PTPRK: variants seen among roughly 807,000 people sequenced by gnomAD.
PTPRK encodes protein tyrosine phosphatase receptor type K.
In PTPRK, 75 loss-of-function variants were observed where a neutral mutation model predicts 178.0. The observed-to-expected ratio is 0.42, with a 90% CI of 0.35 to 0.51. The LOEUF (loss-of-function observed/expected upper bound fraction) is 0.51, where lower values mean the gene tolerates loss of function less well. PTPRK is among the 20% of genes least tolerant of loss of function. The pLI is 0.02. For synonymous variants in PTPRK, 637 were observed against 620.6 expected, an observed-to-expected ratio of 1.03 and a Z score of -0.39; for missense variants, 1,441 against 1,797.8, an observed-to-expected ratio of 0.80 and a Z score of 3.59.
intron 13 of PTPRK, among the ~76,000 whole-genome samples, chr6:128,013,031 C>T (rs1562435043): frequency 6.6e-6 from 1 of 151,326 alleles, no homozygotes; most frequent in African/African-American, 2.4e-5. Flanking sequence ...ACCACCATAA[C>T]CAATGTTTCT....
At chr6:128,438,984 CA>C (rs1447913266) in intron 1 of PTPRK, among the ~76,000 whole-genome samples, 2 of 152,034 alleles carry the variant, frequency 1.3e-5, no homozygotes, top group Non-Finnish European at 2.9e-5. Context: ...ATTAGAACTC[CA>C]AACTTAACGT....
chr6:128,471,869 T>G (rs969366444), intron 1 of PTPRK, among the ~76,000 whole-genome samples: 9 of 152,040 alleles, frequency 5.9e-5, no homozygotes, highest in Non-Finnish European at 1.2e-4. Context: ...ATTACTTTAA[T>G]TGAGCTAATG....
At chr6:128,299,044 G>A (rs1825046284) in intron 3 of PTPRK, among the ~76,000 whole-genome samples, 1 of 152,090 alleles carries the variant, frequency 6.6e-6, no homozygotes, top group Non-Finnish European at 1.5e-5. Context: ...AAATCAATGT[G>A]CAAAAATCAC....
chr6:128,474,243 T>C (rs755938774), intron 1 of PTPRK, among the ~76,000 whole-genome samples: 3 of 152,058 alleles, frequency 2.0e-5, no homozygotes, highest in Non-Finnish European at 4.4e-5. Flanking sequence ...TGAATGTTTA[T>C]TTAAAGCAGA....
chr6:128,087,052 T>C (rs1414773351), intron 8 of PTPRK, among the ~76,000 whole-genome samples: 1 of 152,120 alleles, frequency 6.6e-6, no homozygotes, highest in African/African-American at 2.4e-5. Flanking sequence ...ATGAGTTTGA[T>C]CAATGTAGGG....
At chr6:128,034,437 A>T (rs1274546126) in intron 13 of PTPRK, among the ~76,000 whole-genome samples, 1 of 152,252 alleles carries the variant, frequency 6.6e-6, no homozygotes, top group African/African-American at 2.4e-5. Flanking sequence ...TTGAAGAAAT[A>T]TACTTGCATG....
chr6:128,271,364 C>T (rs141468947), intron 3 of PTPRK, among the ~76,000 whole-genome samples: 7 of 152,220 alleles, frequency 4.6e-5, no homozygotes, highest in Non-Finnish European at 1.0e-4. Context: ...CTGGTGTCCA[C>T]TGTAGACATG....
intron 13 of PTPRK, among the ~76,000 whole-genome samples, chr6:128,027,252 T>G (rs1172250434): frequency 1.3e-5 from 2 of 152,230 alleles, no homozygotes; most frequent in Non-Finnish European, 2.9e-5. Flanking sequence ...AAGCAGACTC[T>G]ACTAGCATGT....
In PTPRK at chr6:127,973,655, C is replaced by T; in HGVS notation, c.4133+9G>A. 6.2e-7 allele frequency: 1 copy of T among 1,612,888 alleles called. No individual in the cohort carries two copies. On this transcript the variant is annotated intron_variant, in intron 28 of 29. Transcript: ENST00000368226. ...CCCCATGAATGACAGGCTGAGCTGCCCTACTCACAGGCAGTGGATAATCGT... is the reference window on the plus strand; with the variant it reads ...CCCCATGAATGACAGGCTGAGCTGCTCTACTCACAGGCAGTGGATAATCGT...
intron 2 of PTPRK, among the ~76,000 whole-genome samples, chr6:128,334,406 GA>G: frequency 6.6e-6 from 1 of 152,112 alleles, no homozygotes; most frequent in Admixed American, 6.5e-5. Flanking sequence ...CCACTTTTCA[GA>G]CAACATAACC....
chr6:128,291,867 G>T lies in PTPRK; in HGVS notation c.495+30172C>A, dbSNP rs79252583. ...TTTATGCTACAGTGTGGCCCTGGTA[G>T]GCATTTGTTTTTAACTACTCTTGTT... On this transcript the variant is annotated intron_variant, in intron 3 of 29. Transcript: ENST00000368226. 9.7e-3 allele frequency among the ~76,000 whole-genome samples: 1,469 copies of T among 152,184 alleles called. 24 individuals are homozygous for T. Among genetic ancestry groups the T allele is most frequent in the African/African-American group, 0.033 (1,377 of 41,528 alleles).
chr6:128,299,674 G>C (rs1825205278), intron 3 of PTPRK, among the ~76,000 whole-genome samples: 1 of 152,044 alleles, frequency 6.6e-6, no homozygotes, highest in Non-Finnish European at 1.5e-5. Context: ...GCCTTATGTA[G>C]AAAGCTGAAA....
chr6:128,357,681 T>A (rs1165423735), intron 2 of PTPRK, among the ~76,000 whole-genome samples: 1 of 152,222 alleles, frequency 6.6e-6, no homozygotes, highest in African/African-American at 2.4e-5. Context: ...TAATTATAAA[T>A]ATTCATAGTC....
At chr6:128,374,093 C>T (rs1836678182) in intron 2 of PTPRK, among the ~76,000 whole-genome samples, 1 of 152,060 alleles carries the variant, frequency 6.6e-6, no homozygotes, top group East Asian at 1.9e-4. Flanking sequence ...GGTAAACAGA[C>T]GTTTAATCAT....
intron 13 of PTPRK, among the ~76,000 whole-genome samples, chr6:128,041,369 G>A (rs1294209089): frequency 1.3e-5 from 2 of 152,028 alleles, no homozygotes; most frequent in East Asian, 3.9e-4. Context: ...AAACTGAATG[G>A]AATTCATAAT....
chr6:128,144,937 A>G (rs547822908), intron 7 of PTPRK, among the ~76,000 whole-genome samples: 5 of 152,234 alleles, frequency 3.3e-5, no homozygotes, highest in Non-Finnish European at 5.9e-5. Context: ...ATGTGACCCA[A>G]AATTAGGGAG....
At chr6:128,345,510 A>T (rs751135990) in intron 2 of PTPRK, among the ~76,000 whole-genome samples, 1 of 152,240 alleles carries the variant, frequency 6.6e-6, no homozygotes, top group Non-Finnish European at 1.5e-5. Flanking sequence ...CTAGCATTGT[A>T]CTAAAGACGG....
chr6:128,125,296 G>A (rs1401506190), intron 7 of PTPRK, among the ~76,000 whole-genome samples: 2 of 152,118 alleles, frequency 1.3e-5, no homozygotes, highest in Admixed American at 6.6e-5. Context: ...GAATAGTTTA[G>A]CACCATACCC....
intron 3 of PTPRK, among the ~76,000 whole-genome samples, chr6:128,304,419 C>A (rs7744979): frequency 6.6e-6 from 1 of 151,998 alleles, no homozygotes; most frequent in Admixed American, 6.6e-5. Flanking sequence ...GATAAAAATA[C>A]ACAAAACACC....
Sources: allele counts gnomAD v4.1 joint callset (sites outside exome capture counted in the v4.1 genomes callset), GRCh38; gene constraint gnomAD v4.1.1; transcripts MANE v1.5; gene names NCBI Gene and HGNC (gene_info 2026-07-23, HGNC 2026-07-21).